The following STRN variants were observed in gnomAD, a reference collection of about 807,000 sequenced individuals.
The protein encoded by STRN is striatin, also known as protein phosphatase 2 regulatory subunit B'''alpha.
Under a neutral mutation model 96.3 loss-of-function variants are expected in STRN, and 53 were observed. That is an observed-to-expected ratio of 0.55 (90% confidence interval 0.44 to 0.69). The LOEUF is 0.69. Ranked by LOEUF, STRN falls within the 30% of genes least tolerant of loss-of-function variation. STRN has a pLI of 0.00. For missense variants in STRN, 987 were observed against 963.9 expected, an observed-to-expected ratio of 1.02 and a Z score of -0.32; for synonymous variants, 428 against 355.9, an observed-to-expected ratio of 1.20 and a Z score of -2.28.
chr2:36,860,637 T>A (rs1668455801), intron 13 of STRN, among the ~76,000 whole-genome samples: 1 of 152,200 alleles, frequency 6.6e-6, no homozygotes, highest in Admixed American at 6.5e-5. Context: ...TGATGTATGG[T>A]ATTGTTCCCA....
At chr2:36,924,463 G>A (rs987668372) in intron 2 of STRN, among the ~76,000 whole-genome samples, 1 of 151,426 alleles carries the variant, frequency 6.6e-6, no homozygotes, top group Non-Finnish European at 1.5e-5. Flanking sequence ...ACAGGAAAAG[G>A]AAACACTATA....
intron 1 of STRN, among the ~76,000 whole-genome samples, chr2:36,932,538 ATT>A (rs1670601899): frequency 6.6e-6 from 1 of 152,110 alleles, no homozygotes; most frequent in Non-Finnish European, 1.5e-5. Context: ...TTATTTACCT[ATT>A]GTCACATTTC....
In STRN at chr2:36,845,990, C is replaced by T. The variant is rs1305168029; in HGVS notation, c.*3466G>A. On this transcript the variant is annotated 3_prime_UTR_variant, in exon 18 of 18. Coordinates refer to ENST00000263918, the MANE Select transcript of STRN (RefSeq NM_003162.4). Reference sequence around the variant, plus strand: ...TCTCTCTGTGCCCCCCCTCCCACCCCCTCCCCAAACTCAATCTTCATCCTC... The same window carrying T: ...TCTCTCTGTGCCCCCCCTCCCACCCTCTCCCCAAACTCAATCTTCATCCTC... 8.4e-6 allele frequency: 1 copy of T among 118,772 alleles called. No homozygotes were observed. Among genetic ancestry groups the T allele is most frequent in the East Asian group, 2.7e-4 (1 of 3,648 alleles). 7.4% of individuals were successfully genotyped at this position (118,772 alleles called of 1,614,324 possible). A position where few individuals can be genotyped will look rare whatever the true frequency, so the allele number is the denominator to read the frequency against.
chr2:36,943,665 G>A (rs1382637530), intron 1 of STRN, among the ~76,000 whole-genome samples: 1 of 151,972 alleles, frequency 6.6e-6, no homozygotes, highest in Non-Finnish European at 1.5e-5. Context: ...TTAGCTGGGC[G>A]TGGTGGCACA....
chr2:36,881,803 G>T (rs1280850461), intron 9 of STRN, among the ~76,000 whole-genome samples: 2 of 152,168 alleles, frequency 1.3e-5, no homozygotes, highest in Non-Finnish European at 2.9e-5. Context: ...TATGGCCTGA[G>T]ATGAAATCTG....
chr2:36,887,100 G>C (rs1053717285), intron 7 of STRN, among the ~76,000 whole-genome samples: 2 of 149,326 alleles, frequency 1.3e-5, no homozygotes, highest in South Asian at 2.1e-4. Context: ...AGATTTTAGT[G>C]ATTTTTAGTA....
intron 9 of STRN, among the ~76,000 whole-genome samples, chr2:36,878,848 G>A (rs1316874273): frequency 6.6e-6 from 1 of 151,952 alleles, no homozygotes; most frequent in Admixed American, 6.6e-5. Context: ...CACCTCCTGG[G>A]TTCAAGAAAT....
rs776388916 is a variant in STRN at position 36,891,808 on chromosome 2, A to G, written c.931+2090T>C. On this transcript the variant is annotated intron_variant, in intron 7 of 17. Coordinates refer to ENST00000263918, the MANE Select transcript of STRN (RefSeq NM_003162.4). ...AACCTTTTCCTTGAACTTATCTAGGAGAGTTTTCTTATCAGTCACTACATA... is the reference window on the plus strand; with the variant it reads ...AACCTTTTCCTTGAACTTATCTAGGGGAGTTTTCTTATCAGTCACTACATA... Among the ~76,000 whole-genome samples, 8 of 152,212 alleles carry G rather than the reference A, an allele frequency of 5.3e-5. No homozygotes were observed. The East Asian group carries it at 1.5e-3, about 29-fold the overall frequency.
intron 9 of STRN, among the ~76,000 whole-genome samples, chr2:36,881,300 G>C (rs1170973752): frequency 6.6e-6 from 1 of 151,848 alleles, no homozygotes; most frequent in African/African-American, 2.4e-5. Context: ...GCTAATTTTT[G>C]TATTTTTATT....
intron 2 of STRN, among the ~76,000 whole-genome samples, chr2:36,922,839 C>A (rs1249952833): frequency 6.6e-6 from 1 of 152,222 alleles, no homozygotes; most frequent in Non-Finnish European, 1.5e-5. Flanking sequence ...TTTCTACTTT[C>A]ATCTTCCAGA....
chr2:36,941,503 G>A (rs969192105), intron 1 of STRN, among the ~76,000 whole-genome samples: 3 of 151,624 alleles, frequency 2.0e-5, no homozygotes, highest in Non-Finnish European at 2.9e-5. Context: ...CATTTCTCAA[G>A]ATGAACAGAA....
chr2:36,944,434 T>A (rs76680256), intron 1 of STRN, among the ~76,000 whole-genome samples: 1 of 152,180 alleles, frequency 6.6e-6, no homozygotes, highest in Non-Finnish European at 1.5e-5. Context: ...AACAAAATAA[T>A]GTGTAAGAGA....
intron 1 of STRN, among the ~76,000 whole-genome samples, chr2:36,963,680 G>A (rs936583416): frequency 1.3e-5 from 2 of 152,082 alleles, no homozygotes; most frequent in Admixed American, 1.3e-4. Flanking sequence ...GTCCTTGGCC[G>A]GGCACAGTGG....
chr2:36,907,547 CAA>C (rs943574432), intron 3 of STRN, among the ~76,000 whole-genome samples: 2 of 133,792 alleles, frequency 1.5e-5, no homozygotes, highest in African/African-American at 2.8e-5. Context: ...GACTCTGTCT[CAA>C]AAAAAAAAAG....
chr2:36,957,423 A>C (rs1187324832), intron 1 of STRN, among the ~76,000 whole-genome samples: 1 of 152,102 alleles, frequency 6.6e-6, no homozygotes, highest in Non-Finnish European at 1.5e-5. Flanking sequence ...CCTCGTCTCT[A>C]CTAAAAATAC....
chr2:36,954,496 A>G (rs1054132482), intron 1 of STRN, among the ~76,000 whole-genome samples: 1 of 150,242 alleles, frequency 6.7e-6, no homozygotes, highest in Non-Finnish European at 1.5e-5. Flanking sequence ...TGGGCGACAG[A>G]GTAAAGCCCT....
intron 1 of STRN, among the ~76,000 whole-genome samples, chr2:36,945,095 T>C (rs1041131058): frequency 2.6e-5 from 4 of 152,026 alleles, no homozygotes; most frequent in African/African-American, 7.2e-5. Flanking sequence ...GGATTTAATA[T>C]ACATAAAACA....
At position 36,966,529 on chromosome 2, in the gene STRN, A is replaced by C; in HGVS notation, c.-66T>G. On this transcript the variant is annotated 5_prime_UTR_variant, in exon 1 of 18. Coordinates refer to ENST00000263918, the MANE Select transcript of STRN (RefSeq NM_003162.4). Reference sequence around the variant, plus strand: ...AGCGGAGGCAACAGCGGCGGCAAGCAGCGCCTCCTCCTCCCTCCGCCGCTC... The same window carrying C: ...AGCGGAGGCAACAGCGGCGGCAAGCCGCGCCTCCTCCTCCCTCCGCCGCTC... 7.4e-7 allele frequency: 1 copy of C among 1,357,406 alleles called. No homozygotes were observed. Among genetic ancestry groups the C allele is most frequent in the South Asian group, 1.7e-5 (1 of 58,022 alleles). The allele number at this position is 1,357,406 out of a possible 1,614,324, so 84.1% of individuals were successfully genotyped here.
rs1668048844 is a variant in STRN, at chr2:36,845,609, T to TTA, written c.*3845_*3846dup. On this transcript the variant is annotated 3_prime_UTR_variant, in exon 18 of 18. Coordinates refer to ENST00000263918, the MANE Select transcript of STRN (RefSeq NM_003162.4). ...ATATGAAGTATTAAAAAGTGAGCCTTTAAAAAATTACATTTACTTAGCCAA... is the reference window on the plus strand; with the variant it reads ...ATATGAAGTATTAAAAAGTGAGCCTTTATAAAAAATTACATTTACTTAGCCAA... 6.6e-6 allele frequency: 1 copy of TTA among 152,154 alleles called. No individual in the cohort carries two copies. Among genetic ancestry groups the TTA allele is most frequent in the South Asian group, 2.1e-4 (1 of 4,826 alleles). The allele number at this position is 152,154 out of a possible 1,614,324, so 9.4% of individuals were successfully genotyped here.
Sources: allele counts gnomAD v4.1 joint callset (sites outside exome capture counted in the v4.1 genomes callset), GRCh38; gene constraint gnomAD v4.1.1; transcripts MANE v1.5; gene names NCBI Gene and HGNC (gene_info 2026-07-23, HGNC 2026-07-21).